The following SNTG1 variants were observed in gnomAD, a reference collection of about 807,000 sequenced individuals.
The protein encoded by SNTG1 is gamma-1-syntrophin.
A neutral mutation model predicts 74.7 loss-of-function variants in SNTG1; 39 were observed. The ratio of observed to expected loss-of-function variants is 0.52; its 90% confidence interval spans 0.40 to 0.68. The LOEUF (loss-of-function observed/expected upper bound fraction) is 0.68. SNTG1 is among the 30% of genes least tolerant of loss of function. The pLI is 0.00. For synonymous variants in SNTG1, 254 were observed against 217.1 expected, an observed-to-expected ratio of 1.17 and a Z score of -1.49; for missense variants, 685 against 609.5, an observed-to-expected ratio of 1.12 and a Z score of -1.30.
intron 15 of SNTG1, among the ~76,000 whole-genome samples, chr8:50,667,963 C>T (rs1005544640): frequency 5.3e-5 from 8 of 151,980 alleles, no homozygotes; most frequent in Non-Finnish European, 8.8e-5. Context: ...TTTTAAAAAA[C>T]GTTACAGGCC....
At chr8:49,983,365 C>G (rs748948685) in intron 1 of SNTG1, among the ~76,000 whole-genome samples, 2 of 152,140 alleles carry the variant, frequency 1.3e-5, no homozygotes, top group Non-Finnish European at 2.9e-5. Flanking sequence ...TAAAATTGTG[C>G]ATTTAATGTG....
At chr8:50,034,299 T>G (rs1298092960) in intron 1 of SNTG1, among the ~76,000 whole-genome samples, 1 of 152,228 alleles carries the variant, frequency 6.6e-6, no homozygotes, top group Non-Finnish European at 1.5e-5. Context: ...ACTCCTATAT[T>G]CATTTTATTG....
chr8:50,657,006 A>G lies in SNTG1; in HGVS notation c.947A>G (p.Tyr316Cys). The change falls in exon 14 of 19, where the codon TAC becomes TGC. Residue 316 changes from tyrosine (Y) to cysteine (C), a missense_variant. Transcript: ENST00000642720. ...TFLALRGSCL[Y>C]KFLAPPVTTW... ...CTGGCCCTGAGGGGCTCATGTCTCT[A>G]CAAGTTTCTGGCACCTCCAGTACGT... 6.4e-7 allele frequency: 1 copy of G among 1,554,842 alleles called. No individual in the cohort carries two copies. Among genetic ancestry groups the G allele is most frequent in the Non-Finnish European group, 8.7e-7 (1 of 1,154,054 alleles).
At chr8:50,744,279 C>G (rs571880630) in intron 17 of SNTG1, among the ~76,000 whole-genome samples, 98 of 152,084 alleles carry the variant, frequency 6.4e-4, no homozygotes, top group African/African-American at 2.3e-3. Flanking sequence ...AGTTGTGTAT[C>G]TATACACTAA....
intron 18 of SNTG1, among the ~76,000 whole-genome samples, chr8:50,759,641 G>A (rs2095592093): frequency 6.6e-6 from 1 of 151,712 alleles, no homozygotes; most frequent in African/African-American, 2.4e-5. Flanking sequence ...TTATTTCTGA[G>A]GACTCATTCT....
intron 1 of SNTG1, among the ~76,000 whole-genome samples, chr8:49,990,515 A>T (rs543822445): frequency 3.3e-5 from 5 of 152,216 alleles, no homozygotes; most frequent in Non-Finnish European, 2.9e-5. Flanking sequence ...ACAATTTCTT[A>T]CTTCTTGTAT....
At chr8:50,643,419 G>A (rs2095086583) in intron 13 of SNTG1, among the ~76,000 whole-genome samples, 1 of 152,208 alleles carries the variant, frequency 6.6e-6, no homozygotes, top group Non-Finnish European at 1.5e-5. Context: ...TGCTGCTGCA[G>A]TAATTGCTGG....
intron 8 of SNTG1, among the ~76,000 whole-genome samples, chr8:50,470,504 C>T (rs555276707): frequency 6.6e-6 from 1 of 151,844 alleles, no homozygotes; most frequent in African/African-American, 2.4e-5. Flanking sequence ...GGAGTGAAGC[C>T]GCAGACCTTC....
At chr8:50,721,105 A>G (rs996465814) in intron 17 of SNTG1, among the ~76,000 whole-genome samples, 4 of 152,190 alleles carry the variant, frequency 2.6e-5, no homozygotes, top group African/African-American at 4.8e-5. Context: ...CATTAATACA[A>G]CTTCACCTTC....
intron 2 of SNTG1, among the ~76,000 whole-genome samples, chr8:50,212,651 A>G (rs1470272767): frequency 6.6e-6 from 1 of 152,214 alleles, no homozygotes; most frequent in Non-Finnish European, 1.5e-5. Flanking sequence ...CCACAGTGGT[A>G]TGAGACAGTT....
At chr8:49,949,121 A>G (rs963918825) in intron 1 of SNTG1, among the ~76,000 whole-genome samples, 3 of 152,188 alleles carry the variant, frequency 2.0e-5, no homozygotes, top group Non-Finnish European at 4.4e-5. Context: ...CGTTCTGTCC[A>G]GGCCTGATGG....
chr8:50,268,753 T>A (rs976033049), intron 2 of SNTG1, among the ~76,000 whole-genome samples: 1 of 151,594 alleles, frequency 6.6e-6, no homozygotes, highest in African/African-American at 2.4e-5. Context: ...GCCTCCTGAG[T>A]TCAAGCAATT....
At chr8:49,932,596 T>C (rs965704531) in intron 1 of SNTG1, among the ~76,000 whole-genome samples, 2 of 152,148 alleles carry the variant, frequency 1.3e-5, no homozygotes, top group Non-Finnish European at 2.9e-5. Flanking sequence ...TGATCCCTGT[T>C]GTTTTTTTAA....
At chr8:50,293,688 G>A (rs944242996) in intron 2 of SNTG1, among the ~76,000 whole-genome samples, 1 of 152,056 alleles carries the variant, frequency 6.6e-6, no homozygotes, top group African/African-American at 2.4e-5. Flanking sequence ...GGGATTACAG[G>A]CGTGAGCCAC....
intron 18 of SNTG1, among the ~76,000 whole-genome samples, chr8:50,757,978 C>A (rs914518868): frequency 2.6e-5 from 4 of 151,440 alleles, no homozygotes; most frequent in African/African-American, 9.7e-5. Context: ...TAATTCCTGC[C>A]TCTCCTTCCT....
intron 4 of SNTG1, among the ~76,000 whole-genome samples, chr8:50,423,178 C>A (rs1295591388): frequency 6.6e-6 from 1 of 152,098 alleles, no homozygotes; most frequent in Non-Finnish European, 1.5e-5. Flanking sequence ...ATAGTGGAAT[C>A]AAAGTAGAAA....
At chr8:50,507,623 T>A (rs2094019335) in intron 9 of SNTG1, among the ~76,000 whole-genome samples, 1 of 152,318 alleles carries the variant, frequency 6.6e-6, no homozygotes, top group Non-Finnish European at 1.5e-5. Context: ...TAATTGTCCA[T>A]ATTACTCTTT....
intron 12 of SNTG1, among the ~76,000 whole-genome samples, chr8:50,567,460 A>C (rs1021084551): frequency 2.0e-5 from 3 of 152,116 alleles, no homozygotes; most frequent in African/African-American, 2.4e-5. Context: ...TGTTACTTTG[A>C]AACATATGTG....
intron 2 of SNTG1, among the ~76,000 whole-genome samples, chr8:50,202,744 C>A (rs2084036192): frequency 1.3e-5 from 2 of 150,630 alleles, no homozygotes; most frequent in African/African-American, 4.9e-5. Context: ...TAAAGGTAAG[C>A]ATTCCCTCAC....
Sources: gnomAD v4.1 joint callset for allele counts (sites outside exome capture counted in the v4.1 genomes callset) on GRCh38, gnomAD v4.1.1 for gene constraint, MANE v1.5 for transcripts, NCBI Gene and HGNC (gene_info 2026-07-23, HGNC 2026-07-21) for gene names.